PPM1B: variants seen among roughly 807,000 people sequenced by gnomAD.
The protein encoded by PPM1B is protein phosphatase 1B.
A neutral mutation model predicts 43.0 loss-of-function variants in PPM1B; 22 were observed. The ratio of observed to expected loss-of-function variants is 0.51; its 90% CI spans 0.37 to 0.73. The LOEUF is 0.73. Ranked by LOEUF, PPM1B falls within the 30% of genes least tolerant of loss-of-function variation. PPM1B has a pLI of 0.00. For missense variants in PPM1B, 632 were observed against 584.2 expected (o/e 1.08, Z -0.84); for synonymous variants, 217 against 197.9 (o/e 1.10, Z -0.81).
At position 44,230,742 on chromosome 2, in the gene PPM1B, G is replaced by T. The variant is rs1455899776; in HGVS notation, c.*24G>T. On this transcript the variant is annotated 3_prime_UTR_variant, in exon 6 of 6. Transcript: ENST00000282412. ...GACTTTCCTTTTTGGTAATATTTTT[G>T]TGATCTTTGATGGTTTTTAACCTAG... 6.3e-7 allele frequency: 1 copy of T among 1,596,198 alleles called. No homozygotes were observed. The highest frequency in any genetic ancestry group is 1.3e-5 in the African/African-American group (1 of 74,356).
At chr2:44,177,801 T>C (rs893435063) in intron 1 of PPM1B, among the ~76,000 whole-genome samples, 3 of 151,996 alleles carry the variant, frequency 2.0e-5, no homozygotes, top group African/African-American at 4.8e-5. Flanking sequence ...TTTTTTTTTT[T>C]ACAATTTGTT....
In PPM1B at chr2:44,199,952, C is replaced by T. The variant is rs370831507; in HGVS notation, c.-14-1234C>T. On this transcript the variant is annotated intron_variant, in intron 1 of 5. Coordinates refer to ENST00000282412, the MANE Select transcript of PPM1B (RefSeq NM_002706.6). ...TAATGATCATACCTGGAAAAAATCT[C>T]ACAAAGATACGTAGACCCAAATGGA... Among the ~76,000 whole-genome samples the T allele has an allele frequency of 3.3e-5, 5 of 151,990 alleles. No homozygotes were observed. In the South Asian group the frequency reaches 8.3e-4, roughly 25 times the overall value.
chr2:44,217,066 A>G (rs1286450981), intron 3 of PPM1B, among the ~76,000 whole-genome samples: 1 of 151,628 alleles, frequency 6.6e-6, no homozygotes, highest in Non-Finnish European at 1.5e-5. Context: ...GTGGAAGTCA[A>G]CGTAAGGGTC....
intron 1 of PPM1B, among the ~76,000 whole-genome samples, chr2:44,199,917 T>G (rs531891280): frequency 1.8e-4 from 27 of 152,302 alleles, no homozygotes; most frequent in Middle Eastern, 3.4e-3. Context: ...AATTTTATTG[T>G]AAAGTTCAAT....
chr2:44,169,579 C>T (rs1199061047), intron 1 of PPM1B, among the ~76,000 whole-genome samples: 2 of 152,260 alleles, frequency 1.3e-5, no homozygotes, highest in Non-Finnish European at 2.9e-5. Context: ...CCCTCCGCTT[C>T]AGTCTGCAAG....
chr2:44,245,591 G>A (rs1174837295), downstream of PPM1B, among the ~76,000 whole-genome samples: 4 of 152,182 alleles, frequency 2.6e-5, no homozygotes, highest in Non-Finnish European at 5.9e-5. Flanking sequence ...TGACTAGAGA[G>A]AATAAAACTA....
At position 44,230,487 on chromosome 2, in the gene PPM1B, T is replaced by C. The variant is rs1456676430; in HGVS notation, c.1209T>C (p.His403=). Residue 403 remains histidine (H), a synonymous_variant, in exon 6 of 6, where the codon CAT becomes CAC. Coordinates refer to ENST00000282412, the MANE Select transcript of PPM1B (RefSeq NM_002706.6). The stretch of plus-strand genomic sequence containing the variant: ...CTCTCAGGCAAATGAGAATTAATCA[T>C]AGGGGAAACTACCGACAACTTCTGG... The part of the protein sequence containing the change: ...VEALRQMRIN[H]RGNYRQLLEE... 5 of 1,614,086 alleles carry C rather than the reference T, an allele frequency of 3.1e-6. No individual in the cohort carries two copies. In the Admixed American group the frequency reaches 6.7e-5, roughly 22 times the overall value.
intron 1 of PPM1B, among the ~76,000 whole-genome samples, chr2:44,173,646 A>T (rs1414731000): frequency 6.6e-6 from 1 of 152,188 alleles, no homozygotes; most frequent in Non-Finnish European, 1.5e-5. Context: ...TACCTTTTAT[A>T]ATAATACTCT....
chr2:44,195,836 T>C (rs1558403657), intron 1 of PPM1B, among the ~76,000 whole-genome samples: 1 of 152,146 alleles, frequency 6.6e-6, no homozygotes, highest in African/African-American at 2.4e-5. Context: ...GAAAATACCA[T>C]GTAGCTCTGC....
chr2:44,238,313 T>C (rs911744203), downstream of PPM1B, among the ~76,000 whole-genome samples: 8 of 152,214 alleles, frequency 5.3e-5, no homozygotes, highest in African/African-American at 1.9e-4. Flanking sequence ...AGTATAAAGC[T>C]TATTTTAAAT....
At chr2:44,186,960 CA>C (rs1668154755) in intron 1 of PPM1B, among the ~76,000 whole-genome samples, 1 of 151,996 alleles carries the variant, frequency 6.6e-6, no homozygotes, top group Non-Finnish European at 1.5e-5. Context: ...ATGGTTGCTG[CA>C]AAAAAGAAAA....
At chr2:44,187,876 A>G (rs1293189149) in intron 1 of PPM1B, among the ~76,000 whole-genome samples, 1 of 151,896 alleles carries the variant, frequency 6.6e-6, no homozygotes, top group African/African-American at 2.4e-5. Flanking sequence ...CATCCTCCCT[A>G]GTAGCTGGGA....
At chr2:44,181,616 G>A (rs1407404159) in intron 1 of PPM1B, among the ~76,000 whole-genome samples, 1 of 152,190 alleles carries the variant, frequency 6.6e-6, no homozygotes, top group Non-Finnish European at 1.5e-5. Context: ...GTGATTTAAT[G>A]GTGGTTGAAT....
At chr2:44,171,513 G>A (rs896409316) in intron 1 of PPM1B, among the ~76,000 whole-genome samples, 1 of 152,132 alleles carries the variant, frequency 6.6e-6, no homozygotes, top group Non-Finnish European at 1.5e-5. Flanking sequence ...GTATCACTTA[G>A]TGATTGTGGT....
chr2:44,198,770 C>T (rs1194478611), intron 1 of PPM1B, among the ~76,000 whole-genome samples: 1 of 152,136 alleles, frequency 6.6e-6, no homozygotes, highest in African/African-American at 2.4e-5. Context: ...GTGCAGTCTG[C>T]CCCATCATGC....
At chr2:44,219,020 G>T (rs2104225895) in intron 5 of PPM1B, 1 of 343,838 alleles carries the variant, frequency 2.9e-6, no homozygotes, top group East Asian at 9.5e-5. Flanking sequence ...TGTATTATGG[G>T]TACATGAGTG....
intron 1 of PPM1B, among the ~76,000 whole-genome samples, chr2:44,192,228 A>ATTGTG (rs1454660551): frequency 6.8e-6 from 1 of 148,078 alleles, no homozygotes; most frequent in African/African-American, 2.6e-5. Context: ...ATTGTATTGT[A>ATTGTG]TTGTATTGAG....
intron 1 of PPM1B, among the ~76,000 whole-genome samples, chr2:44,174,886 T>C (rs1233904933): frequency 2.0e-5 from 3 of 152,240 alleles, no homozygotes; most frequent in Non-Finnish European, 2.9e-5. Flanking sequence ...TTCCTTGTTC[T>C]GACTAAAGCA....
At position 44,230,702 on chromosome 2, in the gene PPM1B, G is replaced by A. The variant is rs1450608986; in HGVS notation, c.1424G>A (p.Ser475Asn). 6.2e-7 allele frequency: 1 copy of A among 1,606,260 alleles called. No individual in the cohort carries two copies. Among genetic ancestry groups the A allele is most frequent in the Admixed American group, 1.7e-5 (1 of 59,402 alleles). ...SSNEDAGTKM[S>N]GEKI ...AATGAAGATGCAGGGACAAAGATGA[G>A]TGGTGAAAAAATATGACTTTCCTTT... The change falls in exon 6 of 6, where the codon AGT becomes AAT. Residue 475 changes from serine to asparagine, a missense_variant. Around this residue, in one of 3 missense-constraint regions of PPM1B, gnomAD observed 392 missense variants for 302.7 expected, o/e 1.29. Coordinates refer to ENST00000282412, the MANE Select transcript of PPM1B (RefSeq NM_002706.6).
Sources: allele counts gnomAD v4.1 joint callset (sites outside exome capture counted in the v4.1 genomes callset), GRCh38; gene constraint gnomAD v4.1.1; regional missense constraint gnomAD v4.1.1; transcripts MANE v1.5; gene names NCBI Gene and HGNC (gene_info 2026-07-23, HGNC 2026-07-21).